MSL2: variants seen among roughly 807,000 people sequenced by gnomAD.
The protein encoded by MSL2 is E3 ubiquitin-protein ligase MSL2.
A neutral mutation model predicts 35.8 loss-of-function variants in MSL2; 2 were observed. The observed-to-expected ratio is 0.06, with a 90% CI of 0.02 to 0.18. The LOEUF is 0.18. MSL2 is among the 10% of genes least tolerant of loss of function. MSL2 has a pLI of 1.00. For synonymous variants in MSL2, 296 were observed against 255.7 expected (o/e 1.16, Z -1.50); for missense variants, 523 against 706.7 (o/e 0.74, Z 2.95).
At position 136,152,096 on chromosome 3, in the gene MSL2, G is replaced by C. The variant is rs754268372; in HGVS notation, c.785C>G (p.Pro262Arg). The change falls in exon 2 of 2, where the codon CCT (proline) becomes CGT (arginine). Residue 262 changes from proline to arginine, a missense_variant. Physicochemically the swap from Pro to Arg is moderately radical, Grantham distance 103. This residue lies in a region of MSL2 where 361 missense variants were observed against 414.6 expected (regional missense o/e 0.87). Transcript: ENST00000309993. ...AACACTCAGTAACAGAGAGTCTCCA[G>C]GTTTTATATCTTCACTGAAACTGCA... ...DICSFSEDIK[P>R]GDSLLLSVEE... The C allele has an allele frequency of 6.2e-7, 1 of 1,614,140 alleles. No individual in the cohort carries two copies. Among genetic ancestry groups the C allele is most frequent in the Non-Finnish European group, 8.5e-7 (1 of 1,180,038 alleles).
At chr3:136,159,617 G>C (rs1392062721) in intron 1 of MSL2, among the ~76,000 whole-genome samples, 1 of 150,930 alleles carries the variant, frequency 6.6e-6, no homozygotes. Flanking sequence ...TGATCCGCCC[G>C]CCTCGGCCTC....
intron 1 of MSL2, among the ~76,000 whole-genome samples, chr3:136,187,006 T>TA (rs1940543319): frequency 6.6e-6 from 1 of 152,282 alleles, no homozygotes; most frequent in South Asian, 2.1e-4. Context: ...AAAATGTCCA[T>TA]ACATGTTCAG....
rs763811949 is a variant in MSL2, at chr3:136,151,338, C to T, written c.1543G>A (p.Val515Met). 9.3e-6 allele frequency: 15 copies of T among 1,614,222 alleles called. No homozygotes were observed. The highest frequency in any genetic ancestry group is 1.1e-5 in the Non-Finnish European group (13 of 1,180,044). The change falls in exon 2 of 2, where the codon GTG becomes ATG. Residue 515 changes from valine (V) to methionine (M), a missense_variant. Physicochemically the swap from Val to Met is conservative, Grantham distance 21. Transcript: ENST00000309993. This position sits in a 1 kb window ranked among gnomAD's most constrained non-coding sequence, Gnocchi z 5.2. Reference sequence around the variant, plus strand: ...GTCTGCTCCAAGGCCTTTTCTGGCACGGCAAATGCCTCCAGCTTCTTCTCC... The same window carrying T: ...GTCTGCTCCAAGGCCTTTTCTGGCATGGCAAATGCCTCCAGCTTCTTCTCC... Reference protein sequence around the residue: ...NGEKKLEAFAVPEKALEQTRL... With the variant: ...NGEKKLEAFAMPEKALEQTRL...
rs1449206345 is a variant in MSL2 at position 136,178,988 on chromosome 3, T to TTTTTC, written c.142+15983_142+15984insGAAAA. ...TTATTTTGTTGGTTTTCTTTTTTTTTTTTTTTTTTTTTTTTAAGAGACAAG... is the reference window on the plus strand; with the variant it reads ...TTATTTTGTTGGTTTTCTTTTTTTTTTTTTCTTTTTTTTTTTTTTTAAGAGACAAG... On this transcript the variant is annotated intron_variant, in intron 1 of 1. Transcript: ENST00000309993. Among the ~76,000 whole-genome samples, 238 of 146,100 alleles carry TTTTTC rather than the reference T, an allele frequency of 1.6e-3. 4 individuals carry two copies. Among genetic ancestry groups the TTTTTC allele is most frequent in the African/African-American group, 4.4e-3 (171 of 39,230 alleles).
intron 1 of MSL2, among the ~76,000 whole-genome samples, chr3:136,190,681 G>A (rs770052030): frequency 6.6e-6 from 1 of 151,922 alleles, no homozygotes; most frequent in East Asian, 1.9e-4. Flanking sequence ...CATCAGACTT[G>A]TTACATCATT....
rs931626750 is a variant in MSL2 at position 136,195,571 on chromosome 3, G to A, written c.-458C>T. The A allele has an allele frequency of 2.6e-5, 26 of 998,654 alleles. No individual in the cohort carries two copies. The highest frequency in any genetic ancestry group is 8.5e-5 in the South Asian group (2 of 23,660). The allele number at this position is 998,654 out of a possible 1,614,324, so 61.9% of individuals were successfully genotyped here. On this transcript the variant is annotated 5_prime_UTR_variant, in exon 1 of 2. Transcript: ENST00000309993. ...CGCGGCACGCTTCTCCCGGGCTGCA[G>A]GGCCTCTTACTCCATCCCAGTACAG...
rs747396367 is a variant in MSL2, at chr3:136,151,625, G to C, written c.1256C>G (p.Ser419Cys). The change falls in exon 2 of 2, where the codon TCT becomes TGT. Residue 419 changes from serine (S) to cysteine (C), a missense_variant. By Grantham distance (112) the Ser-to-Cys change is moderately radical. This residue lies in a region of MSL2 where 361 missense variants were observed against 414.6 expected (regional missense o/e 0.87). Coordinates refer to ENST00000309993, the MANE Select transcript of MSL2 (RefSeq NM_018133.4). The surrounding 1 kb of genome is among the most constrained non-coding windows in gnomAD (Gnocchi z 5.2). ...AATACCTGGCTTGGTTTTAGAGTGA[G>C]ATTTCTTGGATCCATGTTCATGACT... ...KKSHEHGSKK[S>C]HSKTKPGILK... The C allele has an allele frequency of 1.2e-6, 2 of 1,614,000 alleles. No homozygotes were observed. The highest frequency in any genetic ancestry group is 1.1e-5 in the South Asian group (1 of 91,078).
At chr3:136,176,644 G>C (rs927659132) in intron 1 of MSL2, among the ~76,000 whole-genome samples, 1 of 151,458 alleles carries the variant, frequency 6.6e-6, no homozygotes, top group African/African-American at 2.4e-5. Context: ...GGGCAACTGA[G>C]TGAGACCCTG....
intron 1 of MSL2, among the ~76,000 whole-genome samples, chr3:136,184,580 A>C (rs1470099892): frequency 6.6e-6 from 1 of 152,044 alleles, no homozygotes; most frequent in Non-Finnish European, 1.5e-5. Context: ...TCCAGCCTGG[A>C]CGACAGAGCG....
rs1200346305 is a variant in MSL2, at chr3:136,195,934, G to C, written c.-821C>G. ...CCCTCGCGCCTCAGTCGCACACTCC[G>C]GGGTCACCAGACTCAAGCGCCGCCC... On this transcript the variant is annotated 5_prime_UTR_variant, in exon 1 of 2. Coordinates refer to ENST00000309993, the MANE Select transcript of MSL2 (RefSeq NM_018133.4). 3.8e-6 allele frequency: 2 copies of C among 532,438 alleles called. No homozygotes were observed. Among genetic ancestry groups the C allele is most frequent in the Admixed American group, 6.4e-5 (1 of 15,634 alleles). 33.0% of individuals were successfully genotyped at this position (532,438 alleles called of 1,614,324 possible). A position where few individuals can be genotyped will look rare whatever the true frequency, so the allele number is the denominator to read the frequency against.
At chr3:136,165,018 T>TGA (rs748505839) in intron 1 of MSL2, among the ~76,000 whole-genome samples, 74 of 152,034 alleles carry the variant, frequency 4.9e-4, no homozygotes, top group Admixed American at 1.2e-3. Flanking sequence ...GGACCACAGG[T>TGA]GAGCACCACT....
At chr3:136,181,477 C>G (rs1263134920) in intron 1 of MSL2, among the ~76,000 whole-genome samples, 1 of 152,166 alleles carries the variant, frequency 6.6e-6, no homozygotes, top group Non-Finnish European at 1.5e-5. Context: ...AAAATGTTTT[C>G]TCTTTTTCTA....
rs115207733 is a variant in MSL2, at chr3:136,179,470, C to T, written c.142+15502G>A. On this transcript the variant is annotated intron_variant, in intron 1 of 1. Coordinates refer to ENST00000309993, the MANE Select transcript of MSL2 (RefSeq NM_018133.4). ...GTGCTGGGATTACAGCATGAGCCATCCTGCCCAGCGAGGAATGTGTATTTT... is the reference window on the plus strand; with the variant it reads ...GTGCTGGGATTACAGCATGAGCCATTCTGCCCAGCGAGGAATGTGTATTTT... 3.8e-3 allele frequency among the ~76,000 whole-genome samples: 576 copies of T among 152,308 alleles called. 2 individuals carry two copies. The highest frequency in any genetic ancestry group is 4.8e-3 in the Non-Finnish European group (328 of 68,036).
In MSL2 at chr3:136,151,142, C is replaced by A; in HGVS notation, c.*5G>T. ...ACCAGGAGTAGGTTTAAAAGACCCA[C>A]TGATTTAACAGTCGAATCTCATGTC... On this transcript the variant is annotated 3_prime_UTR_variant, in exon 2 of 2. Transcript: ENST00000309993. The surrounding 1 kb of genome is among the most constrained non-coding windows in gnomAD (Gnocchi z 5.2). 1 of 1,604,484 alleles carries A rather than the reference C, an allele frequency of 6.2e-7. No homozygotes were observed. The highest frequency in any genetic ancestry group is 8.5e-7 in the Non-Finnish European group (1 of 1,171,924).
At chr3:136,175,632 G>T (rs1237243148) in intron 1 of MSL2, among the ~76,000 whole-genome samples, 2 of 152,042 alleles carry the variant, frequency 1.3e-5, no homozygotes, top group African/African-American at 4.8e-5. Flanking sequence ...GGCTGCAAGT[G>T]AGCCATGATC....
intron 1 of MSL2, among the ~76,000 whole-genome samples, chr3:136,171,221 G>C (rs747165748): frequency 6.6e-6 from 1 of 152,144 alleles, no homozygotes; most frequent in Non-Finnish European, 1.5e-5. Flanking sequence ...CAGATTCCTA[G>C]GCATGCAAAC....
chr3:136,184,344 T>C (rs574735150), intron 1 of MSL2, among the ~76,000 whole-genome samples: 1 of 151,816 alleles, frequency 6.6e-6, no homozygotes, highest in East Asian at 1.9e-4. Context: ...CTCATGTCTG[T>C]AATCCCAGCA....
rs191002347 is a variant in MSL2, at chr3:136,193,344, A to C, written c.142+1628T>G. 7.2e-4 allele frequency among the ~76,000 whole-genome samples: 110 copies of C among 152,276 alleles called. 1 individual carries two copies. Among genetic ancestry groups the C allele is most frequent in the African/African-American group, 2.6e-3 (107 of 41,560 alleles). On this transcript the variant is annotated intron_variant, in intron 1 of 1. Coordinates refer to ENST00000309993, the MANE Select transcript of MSL2 (RefSeq NM_018133.4). ...ATTTCCCACTTAAATTAGAGAGCTA[A>C]GTTTCACCCATCTAGTAAACAGGGG... is the stretch of plus-strand genomic sequence containing the variant.
intron 1 of MSL2, among the ~76,000 whole-genome samples, chr3:136,189,191 T>A (rs1227463677): frequency 7.2e-6 from 1 of 139,726 alleles, no homozygotes; most frequent in African/African-American, 2.8e-5. Context: ...TCCCAACTAA[T>A]TGAAAGGCTG....
Sources: allele counts gnomAD v4.1 joint callset (sites outside exome capture counted in the v4.1 genomes callset), GRCh38; gene constraint gnomAD v4.1.1; regional missense constraint gnomAD v4.1.1; non-coding constraint Gnocchi (gnomAD v3.1); transcripts MANE v1.5; gene names NCBI Gene and HGNC (gene_info 2026-07-23, HGNC 2026-07-21).